Variants in ADGRG1 observed in about 807,000 individuals in gnomAD.
ADGRG1 encodes the protein 7-transmembrane protein with no EGF-like N-terminal domains-1.
ADGRG1 carries 53 observed loss-of-function variants against 73.5 expected under a neutral mutation model. That is an observed-to-expected ratio of 0.72 (90% CI 0.58 to 0.91). The LOEUF is 0.91. Among genes scored for constraint, ADGRG1 ranks in the 40% least tolerant of loss-of-function variants. ADGRG1 has a pLI of 0.00. For missense variants in ADGRG1, 795 were observed against 871.8 expected, an observed-to-expected ratio of 0.91 and a Z score of 1.11; for synonymous variants, 394 against 374.4, an observed-to-expected ratio of 1.05 and a Z score of -0.60.
intron 1 of ADGRG1, chr16:57,630,920 T>A: frequency 1.0e-6 from 1 of 982,602 alleles, no homozygotes; most frequent in Non-Finnish European, 1.2e-6. Flanking sequence ...CTGGCATGGG[T>A]CATTTCATGG....
intron 13 of ADGRG1, chr16:57,663,201 G>A (rs2047669446): frequency 3.7e-6 from 3 of 816,012 alleles, no homozygotes; most frequent in Non-Finnish European, 4.4e-6. Context: ...CAGTTTCCTT[G>A]TTTACAAAAG....
intron 1 of ADGRG1, chr16:57,630,100 C>A (rs191215299): frequency 2.6e-6 from 2 of 783,568 alleles, no homozygotes; most frequent in South Asian, 5.8e-5. Context: ...TGTGCTCTGT[C>A]GGGAACATGG....
chr16:57,663,739 C>A lies in ADGRG1; in HGVS notation c.*157C>A. On this transcript the variant is annotated 3_prime_UTR_variant, in exon 14 of 14. Transcript: ENST00000562631. ...ATGGGCCGTTGCCATGGTGGACGGA[C>A]TCCCGGGCTGGGCTTTTGAATTGGC... The A allele has an allele frequency of 3.7e-6, 3 of 808,904 alleles. No homozygotes were observed. Among genetic ancestry groups the A allele is most frequent in the Non-Finnish European group, 6.0e-6 (3 of 500,982 alleles). The allele number at this position is 808,904 out of a possible 1,614,324, so 50.1% of individuals were successfully genotyped here. A position where few individuals can be genotyped will look rare whatever the true frequency, so the allele number is the denominator to read the frequency against.
intron 1 of ADGRG1, chr16:57,644,291 A>C: frequency 4.6e-6 from 3 of 658,012 alleles, no homozygotes; most frequent in Non-Finnish European, 5.6e-6. Flanking sequence ...TCACACACTC[A>C]TGCTCAGGCA....
At chr16:57,653,852 C>A in intron 4 of ADGRG1, 134 bp from the exon 5 acceptor site, 2 of 1,580,296 alleles carry the variant, frequency 1.3e-6, no homozygotes, top group Non-Finnish European at 1.7e-6. Flanking sequence ...GCCCACCCCA[C>A]CCCTCTCTCT....
chr16:57,663,363 C>G lies in ADGRG1; in HGVS notation c.1934-89C>G, dbSNP rs1224124380. 10 of 1,574,652 alleles carry G rather than the reference C, an allele frequency of 6.4e-6. No homozygotes were observed. The African/African-American group carries it at 6.7e-5, about 11-fold the overall frequency. On this transcript the variant is annotated intron_variant, in intron 13 of 13. Transcript: ENST00000562631. ...TGGCAAACACTATGGAGAGGTGGGGCAGACCCGAGTCACAATGGCTGGGGA... is the reference window on the plus strand; with the variant it reads ...TGGCAAACACTATGGAGAGGTGGGGGAGACCCGAGTCACAATGGCTGGGGA...
intron 1 of ADGRG1, chr16:57,641,084 G>C (rs1405899583): frequency 1.2e-4 from 119 of 977,420 alleles, no homozygotes; most frequent in Non-Finnish European, 1.4e-4. Flanking sequence ...GTTCTTACCT[G>C]TAGGCATCCT....
chr16:57,635,634 AC>A, intron 1 of ADGRG1: 2 of 984,696 alleles, frequency 2.0e-6, no homozygotes, highest in Non-Finnish European at 2.4e-6. Context: ...GCAAGGTCCA[AC>A]CCCGCCCCTG....
upstream of ADGRG1, chr16:57,628,024 CTG>C: frequency 1.0e-6 from 1 of 985,078 alleles, no homozygotes; most frequent in South Asian, 4.7e-5. Flanking sequence ...GATGTTGAAA[CTG>C]TGGGTGCTTG....
chr16:57,641,501 C>T, intron 1 of ADGRG1: 1 of 985,360 alleles, frequency 1.0e-6, no homozygotes, highest in Non-Finnish European at 1.2e-6. Flanking sequence ...CTGGTGTCCC[C>T]AGTGCCTTCC....
chr16:57,643,951 G>C (rs1451989614), intron 1 of ADGRG1: 1 of 984,542 alleles, frequency 1.0e-6, no homozygotes, highest in Admixed American at 6.1e-5. Context: ...GGTCTGACAG[G>C]GGTGTCTACT....
rs2047084374 is a variant in ADGRG1 at position 57,661,505 on chromosome 16, C to CTGGCCT, written c.1665-191_1665-190insGGCCTT. On this transcript the variant is annotated intron_variant, in intron 12 of 13. Coordinates refer to ENST00000562631, the MANE Select transcript of ADGRG1 (RefSeq NM_201525.4). ...TTTGTACTATCTATATTATTACTTA[C>CTGGCCT]TTAACATTTTCCTTTAAACAATCTG... is the stretch of plus-strand genomic sequence containing the variant. 5 of 981,630 alleles carry CTGGCCT rather than the reference C, an allele frequency of 5.1e-6. No homozygotes were observed. In the African/African-American group the frequency reaches 8.7e-5, roughly 17 times the overall value. 60.8% of individuals were successfully genotyped at this position (981,630 alleles called of 1,614,324 possible). A position where few individuals can be genotyped will look rare whatever the true frequency, so the allele number is the denominator to read the frequency against.
intron 2 of ADGRG1, chr16:57,650,990 G>A (rs1428418463): frequency 6.3e-6 from 6 of 955,358 alleles, no homozygotes; most frequent in Non-Finnish European, 7.5e-6. Flanking sequence ...TTACAGGCGT[G>A]AGCCACCGCG....
At chr16:57,659,798 C>T (rs1405294076) in intron 11 of ADGRG1, 117 bp downstream of exon 11, 1 of 1,064,356 alleles carries the variant, frequency 9.4e-7, no homozygotes, top group African/African-American at 1.5e-5. Flanking sequence ...TGGCCTCCTT[C>T]ACTCATCCTC....
At chr16:57,650,206 C>T in intron 1 of ADGRG1, 47 bp from the exon 2 acceptor site, 1 of 1,566,826 alleles carries the variant, frequency 6.4e-7, no homozygotes, top group Non-Finnish European at 8.8e-7. Context: ...GCCAGCCCAA[C>T]CACCACACAG....
intron 1 of ADGRG1, among the ~76,000 whole-genome samples, chr16:57,649,595 G>T (rs1417216424): frequency 5.9e-5 from 9 of 152,110 alleles, no homozygotes; most frequent in Non-Finnish European, 1.2e-4. Context: ...GCCTGGAGGG[G>T]CAAGGTGGTG....
rs1567783802 is a variant in ADGRG1 at position 57,655,728 on chromosome 16, A to G, written c.901-148A>G. ...TTCTTACTATAGTGTAAATGACTAC[A>G]TGGGCAAAAGTGGTTCCAGAGGGAG... On this transcript the variant is annotated intron_variant, in intron 6 of 13. Coordinates refer to ENST00000562631, the MANE Select transcript of ADGRG1 (RefSeq NM_201525.4). 20 of 1,603,434 alleles carry G rather than the reference A, an allele frequency of 1.2e-5. No homozygotes were observed. The East Asian group carries it at 3.6e-4, about 29-fold the overall frequency.
chr16:57,653,109 T>G, intron 3 of ADGRG1, 94 bp from the exon 4 acceptor site: 1 of 1,594,258 alleles, frequency 6.3e-7, no homozygotes, highest in Non-Finnish European at 8.5e-7. Context: ...GATCGAGGCA[T>G]TCAGAGTCAT....
chr16:57,655,909 G>A lies in ADGRG1; in HGVS notation c.934G>A (p.Val312Ile). ...TTCCAGCCAAGTCCTGGGTGAGAAG[G>A]TCTTGGGGATTGTGGTACAGAACAC... ...KNSSQVLGEK[V>I]LGIVVQNTKV... Residue 312 changes from valine to isoleucine, a missense_variant, in exon 7 of 14, where the codon GTC becomes ATC. Physicochemically the swap from Val to Ile is conservative, Grantham distance 29. Coordinates refer to ENST00000562631, the MANE Select transcript of ADGRG1 (RefSeq NM_201525.4). 6.2e-7 allele frequency: 1 copy of A among 1,614,166 alleles called. No homozygotes were observed. The highest frequency in any genetic ancestry group is 8.5e-7 in the Non-Finnish European group (1 of 1,180,024).
Sources: allele counts gnomAD v4.1 joint callset (sites outside exome capture counted in the v4.1 genomes callset), GRCh38; gene constraint gnomAD v4.1.1; transcripts MANE v1.5; gene names NCBI Gene and HGNC (gene_info 2026-07-23, HGNC 2026-07-21).